Variants in ARHGAP32 observed in about 807,000 individuals in gnomAD.
The protein encoded by ARHGAP32 is Rho GTPase activating protein 32.
In ARHGAP32, 51 loss-of-function variants were observed where a neutral mutation model predicts 186.5. That is an observed-to-expected ratio of 0.27 (90% CI 0.22 to 0.35). ARHGAP32 has a LOEUF of 0.35. Ranked by LOEUF, ARHGAP32 falls within the 10% of genes least tolerant of loss-of-function variation. The probability of loss-of-function intolerance (pLI) is 1.00; values close to 1 mark genes in which losing one functional copy is unlikely to be tolerated. For missense variants in ARHGAP32, 2,186 were observed against 2,623.5 expected, an observed-to-expected ratio of 0.83 and a Z score of 3.64; for synonymous variants, 950 against 964.3, an observed-to-expected ratio of 0.99 and a Z score of 0.27.
chr11:129,148,849 T>A (rs1031391707), intron 2 of ARHGAP32, among the ~76,000 whole-genome samples: 1 of 152,076 alleles, frequency 6.6e-6, no homozygotes, highest in South Asian at 2.1e-4. Flanking sequence ...TGAGAAACTA[T>A]ATAGAACAAC....
chr11:129,144,382 C>A (rs1416042877), intron 2 of ARHGAP32, among the ~76,000 whole-genome samples: 1 of 150,522 alleles, frequency 6.6e-6, no homozygotes, highest in Non-Finnish European at 1.5e-5. Context: ...TCTCAAAATT[C>A]TTTTCAGCGT....
Position 128,969,058 on chromosome 11 carries a change from C to G in ARHGAP32, c.6155G>C (p.Gly2052Ala). The G allele has an allele frequency of 6.2e-7, 1 of 1,612,036 alleles. No homozygotes were observed. Among genetic ancestry groups the G allele is most frequent in the Admixed American group, 1.7e-5 (1 of 59,874 alleles). Reference protein sequence around the residue: ...DYHSLPQHQRGVFGGGGMGTY... With the variant: ...DYHSLPQHQRAVFGGGGMGTY... Reference sequence around the variant, plus strand: ...CCCCATGCCGCCCCCTCCAAAGACTCCTCGCTGGTGCTGAGGCAGGGAGTG... The same window carrying G: ...CCCCATGCCGCCCCCTCCAAAGACTGCTCGCTGGTGCTGAGGCAGGGAGTG... The change falls in exon 23 of 23, where the codon GGA becomes GCA. Residue 2052 changes from glycine (G) to alanine (A), a missense_variant. By Grantham distance (60) the Gly-to-Ala change is moderately conservative (BLOSUM62 0). Coordinates refer to ENST00000682385, the MANE Select transcript of ARHGAP32 (RefSeq NM_001378024.1). This position sits in a 1 kb window ranked among gnomAD's most constrained non-coding sequence, Gnocchi z 4.8.
chr11:129,246,651 A>G (rs1945101413), intron 1 of ARHGAP32, among the ~76,000 whole-genome samples: 1 of 152,214 alleles, frequency 6.6e-6, no homozygotes, highest in African/African-American at 2.4e-5. Context: ...ATGCTCTCCC[A>G]TAGCAGTAGA....
At chr11:129,011,437 T>C (rs1446536662) in intron 11 of ARHGAP32, among the ~76,000 whole-genome samples, 1 of 152,132 alleles carries the variant, frequency 6.6e-6, no homozygotes, top group Non-Finnish European at 1.5e-5. Flanking sequence ...GGGTGACGTA[T>C]TAGTGACTTG....
intron 2 of ARHGAP32, among the ~76,000 whole-genome samples, chr11:129,134,112 C>T (rs546940124): frequency 1.8e-4 from 28 of 151,918 alleles, no homozygotes; most frequent in African/African-American, 6.0e-4. Flanking sequence ...AAAAACACTA[C>T]GATCAAACAG....
intron 10 of ARHGAP32, among the ~76,000 whole-genome samples, chr11:129,053,359 A>G (rs1169610390): frequency 6.6e-6 from 1 of 152,170 alleles, no homozygotes; most frequent in Admixed American, 6.5e-5. Flanking sequence ...GGTCCTGGCT[A>G]TACCACGTAC....
At chr11:129,231,931 G>A (rs1351381827) in intron 1 of ARHGAP32, among the ~76,000 whole-genome samples, 4 of 150,640 alleles carry the variant, frequency 2.7e-5, no homozygotes, top group African/African-American at 7.3e-5. Flanking sequence ...AGGCTGAGGT[G>A]GGAGGATCAC....
intron 22 of ARHGAP32, chr11:128,971,593 C>A (rs560531718): frequency 6.2e-6 from 1 of 160,808 alleles, no homozygotes; most frequent in African/African-American, 2.4e-5. Flanking sequence ...CACAGTTGTA[C>A]ACAGTTAGCA....
intron 11 of ARHGAP32, among the ~76,000 whole-genome samples, chr11:129,040,492 C>A (rs1322677963): frequency 6.6e-6 from 1 of 152,086 alleles, no homozygotes; most frequent in African/African-American, 2.4e-5. Flanking sequence ...TTATGCAGCA[C>A]TGTAAGTATA....
intron 2 of ARHGAP32, among the ~76,000 whole-genome samples, chr11:129,143,072 C>CATATATATATAT (rs145242519): frequency 0.024 from 2,676 of 112,402 alleles, 142 homozygotes; most frequent in South Asian, 0.077. Context: ...GGTAAAACTG[C>CATATATATATAT]ATATATATAT....
chr11:129,045,535 C>T (rs767123132), intron 10 of ARHGAP32, among the ~76,000 whole-genome samples: 3 of 152,194 alleles, frequency 2.0e-5, no homozygotes, highest in Admixed American at 6.5e-5. Context: ...ATATTACACA[C>T]GAGAATGGAA....
chr11:129,145,182 T>C (rs1431673365), intron 2 of ARHGAP32, among the ~76,000 whole-genome samples: 1 of 152,130 alleles, frequency 6.6e-6, no homozygotes, highest in African/African-American at 2.4e-5. Flanking sequence ...TCTAAGAACT[T>C]TACCTTTACA....
intron 1 of ARHGAP32, among the ~76,000 whole-genome samples, chr11:129,238,355 TCA>T (rs1346002697): frequency 6.6e-6 from 1 of 152,126 alleles, no homozygotes; most frequent in African/African-American, 2.4e-5. Context: ...TCCCCTCTCT[TCA>T]CACTTCTCAT....
intron 1 of ARHGAP32, among the ~76,000 whole-genome samples, chr11:129,251,742 G>A (rs1001326095): frequency 2.0e-5 from 3 of 150,490 alleles, no homozygotes; most frequent in South Asian, 2.1e-4. Flanking sequence ...AGGCCAACAC[G>A]GTGAAACCCC....
At chr11:128,998,095 T>TA (rs1946251325) in intron 12 of ARHGAP32, among the ~76,000 whole-genome samples, 1 of 152,234 alleles carries the variant, frequency 6.6e-6, no homozygotes. Context: ...GTGAATGTCC[T>TA]ACTCTTCCCG....
At chr11:129,085,735 G>T in intron 6 of ARHGAP32, among the ~76,000 whole-genome samples, 1 of 152,094 alleles carries the variant, frequency 6.6e-6, no homozygotes, top group Non-Finnish European at 1.5e-5. Flanking sequence ...TGGGTGCGGT[G>T]GCTCATACCT....
intron 10 of ARHGAP32, among the ~76,000 whole-genome samples, chr11:129,052,065 T>G (rs879615440): frequency 9.2e-5 from 14 of 152,080 alleles, no homozygotes; most frequent in Non-Finnish European, 1.6e-4. Flanking sequence ...TTTATAAACA[T>G]TTAGGTATAT....
chr11:129,163,690 T>C (rs1943575413), intron 2 of ARHGAP32, among the ~76,000 whole-genome samples: 1 of 152,168 alleles, frequency 6.6e-6, no homozygotes. Flanking sequence ...TCTTTACTTC[T>C]TTTGCCTCCT....
chr11:129,160,563 G>C (rs1943508465), intron 2 of ARHGAP32, among the ~76,000 whole-genome samples: 1 of 151,980 alleles, frequency 6.6e-6, no homozygotes, highest in African/African-American at 2.4e-5. Context: ...ATACCTATGA[G>C]AATAAAATAC....
Sources: gnomAD v4.1 joint callset for allele counts (sites outside exome capture counted in the v4.1 genomes callset) on GRCh38, gnomAD v4.1.1 for gene constraint, Gnocchi (gnomAD v3.1) non-coding constraint, MANE v1.5 for transcripts, NCBI Gene and HGNC (gene_info 2026-07-23, HGNC 2026-07-21) for gene names.